ERCC6: variants seen among roughly 807,000 people sequenced by gnomAD.
ERCC6 encodes ERCC excision repair 6, chromatin remodeling factor, also known as DNA excision repair protein ERCC-6.
Under a neutral mutation model 158.7 loss-of-function variants are expected in ERCC6, and 116 were observed. The ratio of observed to expected loss-of-function variants is 0.73; its 90% CI spans 0.63 to 0.85. The LOEUF (loss-of-function observed/expected upper bound fraction) is 0.85. Among genes scored for constraint, ERCC6 ranks in the 40% least tolerant of loss-of-function variants. The pLI is 0.00. For missense variants in ERCC6, 1,698 were observed against 1,799.4 expected (o/e 0.94, Z 1.02); for synonymous variants, 678 against 659.3 (o/e 1.03, Z -0.43).
chr10:49,454,607 T>C lies in ERCC6; in HGVS notation c.*4208A>G, dbSNP rs182395696. Among the ~76,000 whole-genome samples the C allele has an allele frequency of 1.4e-4, 22 of 152,040 alleles. No homozygotes were observed. The highest frequency in any genetic ancestry group is 3.3e-4 in the Admixed American group (5 of 15,292). On this transcript the variant is annotated 3_prime_UTR_variant, in exon 21 of 21. Transcript: ENST00000355832. Reference sequence around the variant, plus strand: ...ACAATTTTCACTAGTTATAGCTAATTCCTAGGACAGTGGGTCCACAGGGCC... The same window carrying C: ...ACAATTTTCACTAGTTATAGCTAATCCCTAGGACAGTGGGTCCACAGGGCC...
intron 10 of ERCC6, among the ~76,000 whole-genome samples, chr10:49,480,196 G>T (rs895255385): frequency 6.6e-6 from 1 of 152,040 alleles, no homozygotes; most frequent in Non-Finnish European, 1.5e-5. Context: ...CACCTTTCAG[G>T]CCCCAGGTGA....
At chr10:49,515,459 A>C (rs778356719) in intron 5 of ERCC6, 1 of 1,614,178 alleles carries the variant, frequency 6.2e-7, no homozygotes, top group Non-Finnish European at 8.5e-7. Context: ...CTATCACATG[A>C]TTTATGCCAT....
intron 1 of ERCC6, among the ~76,000 whole-genome samples, chr10:49,538,158 A>C (rs1564449696): frequency 6.6e-6 from 1 of 152,314 alleles, no homozygotes; most frequent in Non-Finnish European, 1.5e-5. Context: ...CATCTGGGAC[A>C]CTAGTATCTT....
intron 1 of ERCC6, among the ~76,000 whole-genome samples, chr10:49,536,876 G>A (rs1006265496): frequency 6.6e-6 from 1 of 152,030 alleles, no homozygotes; most frequent in Non-Finnish European, 1.5e-5. Flanking sequence ...GTCCAAGCTG[G>A]GTAGGTTTAA....
intron 11 of ERCC6, among the ~76,000 whole-genome samples, chr10:49,477,919 C>G (rs1850907293): frequency 6.6e-6 from 1 of 152,196 alleles, no homozygotes; most frequent in African/African-American, 2.4e-5. Context: ...TTCAACCCTG[C>G]TTCATTTGTC....
chr10:49,509,426 A>C (rs1299197211), intron 5 of ERCC6, among the ~76,000 whole-genome samples: 1 of 152,200 alleles, frequency 6.6e-6, no homozygotes, highest in Admixed American at 6.5e-5. Flanking sequence ...AACTACCTGA[A>C]CATGTATACT....
At chr10:49,500,776 A>G (rs1431855925) in intron 6 of ERCC6, 80 bp from the exon 7 acceptor site, 1 of 1,492,428 alleles carries the variant, frequency 6.7e-7, no homozygotes, top group Non-Finnish European at 9.3e-7. Context: ...GTACTCATGA[A>G]TTAATCATTT....
chr10:49,483,124 G>GC (rs1187422411), intron 9 of ERCC6, among the ~76,000 whole-genome samples: 1 of 152,024 alleles, frequency 6.6e-6, no homozygotes, highest in African/African-American at 2.4e-5. Context: ...CTAACAACTG[G>GC]CCCCTACAAG....
intron 7 of ERCC6, among the ~76,000 whole-genome samples, chr10:49,494,422 C>T (rs4240509): frequency 0.9 from 137,352 of 152,250 alleles, 62,049 homozygotes; most frequent in East Asian, 1. Flanking sequence ...AAAATGTTCA[C>T]CATAATTTTT....
intron 2 of ERCC6, among the ~76,000 whole-genome samples, chr10:49,531,924 G>T (rs1837478758): frequency 6.6e-6 from 1 of 152,050 alleles, no homozygotes; most frequent in African/African-American, 2.4e-5. Context: ...CCCCTCTCCT[G>T]TCCTCACCTC....
chr10:49,508,733 T>A (rs753828676), intron 5 of ERCC6, among the ~76,000 whole-genome samples: 4 of 152,156 alleles, frequency 2.6e-5, no homozygotes, highest in Non-Finnish European at 4.4e-5. Flanking sequence ...TACTTCCTCA[T>A]GTGACTTGTA....
intron 5 of ERCC6, among the ~76,000 whole-genome samples, chr10:49,508,525 G>A (rs1851483044): frequency 6.6e-6 from 1 of 152,106 alleles, no homozygotes. Flanking sequence ...GATGAAAAGG[G>A]CCAAACATTT....
intron 4 of ERCC6, among the ~76,000 whole-genome samples, chr10:49,527,900 A>T (rs1837378719): frequency 6.6e-6 from 1 of 152,248 alleles, no homozygotes; most frequent in Non-Finnish European, 1.5e-5. Flanking sequence ...ATTTAGTTCC[A>T]GAGCTTACGA....
chr10:49,463,275 A>C (rs1180078931), intron 18 of ERCC6, among the ~76,000 whole-genome samples: 1 of 152,328 alleles, frequency 6.6e-6, no homozygotes, highest in African/African-American at 2.4e-5. Flanking sequence ...CAAAGTGTTA[A>C]TTGTGTTTTG....
intron 6 of ERCC6, chr10:49,500,943 G>A: frequency 2.1e-6 from 1 of 476,896 alleles, no homozygotes; most frequent in Non-Finnish European, 3.8e-6. Context: ...TGATAGATGG[G>A]GTAATTAGAG....
At chr10:49,528,626 A>T (rs1353976461) in intron 3 of ERCC6, 101 bp from the exon 4 acceptor site, 1 of 1,380,706 alleles carries the variant, frequency 7.2e-7, no homozygotes, top group Non-Finnish European at 1.0e-6. Context: ...TCCAAAGTAA[A>T]ATAAAAATAA....
At chr10:49,513,833 C>T (rs1564435074) in intron 5 of ERCC6, among the ~76,000 whole-genome samples, 1 of 151,842 alleles carries the variant, frequency 6.6e-6, no homozygotes, top group Non-Finnish European at 1.5e-5. Flanking sequence ...CATATCAATA[C>T]TATTGTTATT....
rs4253044 is a variant in ERCC6 at position 49,524,545 on chromosome 10, A to G, written c.885T>C (p.Ala295=). The stretch of plus-strand genomic sequence containing the variant: ...GCGTGACTGGGGCTGGAGCTTTTCT[A>G]GCTGCTCTTTTATTACAACCTTGCT... ...RKKQGCNKRA[A]RKAPAPVTPP... is the part of the protein sequence containing the mutation. Residue 295 remains alanine, a synonymous_variant, in exon 5 of 21, where the codon GCT becomes GCC. Coordinates refer to ENST00000355832, the MANE Select transcript of ERCC6 (RefSeq NM_000124.4). The G allele has an allele frequency of 2.8e-5, 46 of 1,614,138 alleles. No individual in the cohort carries two copies. In the African/African-American group the frequency reaches 5.2e-4, roughly 18 times the overall value.
At chr10:49,503,807 A>G (rs1419830965) in intron 6 of ERCC6, 2 of 152,200 alleles carry the variant, frequency 1.3e-5, no homozygotes, top group Non-Finnish European at 1.5e-5. Context: ...TTATGAATAT[A>G]CAACATAAAA....
Sources: allele counts gnomAD v4.1 joint callset (sites outside exome capture counted in the v4.1 genomes callset), GRCh38; gene constraint gnomAD v4.1.1; transcripts MANE v1.5; gene names NCBI Gene and HGNC (gene_info 2026-07-23, HGNC 2026-07-21).